GPM6A: variants seen among roughly 807,000 people sequenced by gnomAD.
GPM6A encodes the protein glycoprotein M6A.
GPM6A carries 7 observed loss-of-function variants against 32.1 expected under a neutral mutation model. The ratio of observed to expected loss-of-function variants is 0.22; its 90% confidence interval spans 0.12 to 0.41. GPM6A has a LOEUF of 0.41. Among genes scored for constraint, GPM6A ranks in the 10% least tolerant of loss-of-function variants. The probability of loss-of-function intolerance (pLI) is 1.00; values close to 1 mark genes in which losing one functional copy is unlikely to be tolerated. For missense variants in GPM6A, 235 were observed against 347.2 expected, an observed-to-expected ratio of 0.68 and a Z score of 2.57; for synonymous variants, 130 against 123.4, an observed-to-expected ratio of 1.05 and a Z score of -0.35.
At chr4:175,732,466 T>C (rs1439199929) in intron 1 of GPM6A, among the ~76,000 whole-genome samples, 1 of 152,200 alleles carries the variant, frequency 6.6e-6, no homozygotes, top group East Asian at 1.9e-4. Flanking sequence ...TGTGTGTATA[T>C]GGATGTATAT....
chr4:175,894,023 A>C (rs1412451324), intron 1 of GPM6A, among the ~76,000 whole-genome samples: 3 of 152,172 alleles, frequency 2.0e-5, no homozygotes, highest in Non-Finnish European at 2.9e-5. Context: ...AAAAAGACAG[A>C]GATTAAAAAT....
chr4:175,797,948 G>A (rs554734955), intron 1 of GPM6A, among the ~76,000 whole-genome samples: 3 of 152,184 alleles, frequency 2.0e-5, no homozygotes, highest in African/African-American at 7.2e-5. Context: ...TGTGGTTCCA[G>A]GATCCACAAA....
chr4:175,766,045 A>C (rs1732949956), intron 1 of GPM6A, among the ~76,000 whole-genome samples: 1 of 152,164 alleles, frequency 6.6e-6, no homozygotes, highest in Admixed American at 6.5e-5. Context: ...TTGATTCTTT[A>C]TGATTCATTA....
At chr4:175,751,037 T>G (rs963918815) in intron 1 of GPM6A, among the ~76,000 whole-genome samples, 1 of 152,178 alleles carries the variant, frequency 6.6e-6, no homozygotes, top group East Asian at 1.9e-4. Flanking sequence ...TTGTAATACA[T>G]TGCAAATGTG....
At chr4:175,730,259 T>C (rs1307146246) in intron 1 of GPM6A, among the ~76,000 whole-genome samples, 2 of 152,152 alleles carry the variant, frequency 1.3e-5, no homozygotes, top group Non-Finnish European at 2.9e-5. Flanking sequence ...TATTTATTTT[T>C]TGAGACAAAG....
chr4:175,916,011 A>G (rs1246001299), intron 1 of GPM6A, among the ~76,000 whole-genome samples: 1 of 152,172 alleles, frequency 6.6e-6, no homozygotes, highest in Non-Finnish European at 1.5e-5. Context: ...CATGCTCACC[A>G]TTCTCTCTCA....
At chr4:175,945,821 C>T (rs557104689) in intron 1 of GPM6A, among the ~76,000 whole-genome samples, 6 of 150,010 alleles carry the variant, frequency 4.0e-5, no homozygotes, top group South Asian at 2.1e-4. Context: ...CTCAGTAATA[C>T]GGGTGCATAT....
intron 1 of GPM6A, among the ~76,000 whole-genome samples, chr4:175,894,364 C>T (rs1434116333): frequency 1.3e-5 from 2 of 152,006 alleles, no homozygotes; most frequent in Admixed American, 6.6e-5. Flanking sequence ...AGCGAAAAAG[C>T]GAGGAAGGGG....
chr4:175,976,431 G>A (rs1403716873), intron 1 of GPM6A, among the ~76,000 whole-genome samples: 2 of 151,560 alleles, frequency 1.3e-5, no homozygotes, highest in Non-Finnish European at 2.9e-5. Flanking sequence ...CTCCCAAAGT[G>A]CTGGGATTAC....
At position 175,634,198 on chromosome 4, in the gene GPM6A, A is replaced by G. The variant is rs1384173076; in HGVS notation, c.*707T>C. ...AAAAGGCAACTAGCCATGCATTAGC[A>G]TTACTGTTTCTACATGCTCACAACA... On this transcript the variant is annotated 3_prime_UTR_variant, in exon 7 of 7. Transcript: ENST00000393658. 6.6e-6 allele frequency: 1 copy of G among 152,594 alleles called. No individual in the cohort carries two copies. The highest frequency in any genetic ancestry group is 1.5e-5 in the Non-Finnish European group (1 of 68,002). The allele number at this position is 152,594 out of a possible 1,614,324, so 9.5% of individuals were successfully genotyped here.
intron 3 of GPM6A, among the ~76,000 whole-genome samples, chr4:175,672,643 C>T (rs1181416765): frequency 6.6e-6 from 1 of 152,090 alleles, no homozygotes; most frequent in African/African-American, 2.4e-5. Context: ...AATAATAAGG[C>T]ACAATTTAAA....
At chr4:175,877,289 T>C (rs947028703) in intron 1 of GPM6A, among the ~76,000 whole-genome samples, 5 of 152,120 alleles carry the variant, frequency 3.3e-5, no homozygotes, top group African/African-American at 1.2e-4. Context: ...TATATGACTA[T>C]CTAAATAAAA....
At chr4:175,973,390 A>G (rs1740564896) in intron 1 of GPM6A, among the ~76,000 whole-genome samples, 1 of 152,244 alleles carries the variant, frequency 6.6e-6, no homozygotes, top group African/African-American at 2.4e-5. Flanking sequence ...TGTTTTCAGT[A>G]AGGTCCACCT....
chr4:175,924,074 C>T (rs1488965651), intron 1 of GPM6A, among the ~76,000 whole-genome samples: 1 of 152,140 alleles, frequency 6.6e-6, no homozygotes, highest in East Asian at 1.9e-4. Context: ...AGCAAAGATG[C>T]ATTTGGTAGC....
chr4:175,668,956 A>G (rs1742899948), intron 3 of GPM6A, among the ~76,000 whole-genome samples: 1 of 152,146 alleles, frequency 6.6e-6, no homozygotes, highest in Admixed American at 6.5e-5. Context: ...TCTGTGCCAG[A>G]TGCTTGAATT....
intron 1 of GPM6A, among the ~76,000 whole-genome samples, chr4:175,797,878 T>C (rs1197323514): frequency 6.6e-6 from 1 of 152,174 alleles, no homozygotes; most frequent in Admixed American, 6.6e-5. Flanking sequence ...ATATATAAAT[T>C]ATGAATCACA....
intron 3 of GPM6A, among the ~76,000 whole-genome samples, chr4:175,662,629 A>T (rs1742495013): frequency 6.6e-6 from 1 of 152,070 alleles, no homozygotes; most frequent in African/African-American, 2.4e-5. Flanking sequence ...CAAAGAAAAA[A>T]ACACATTTAG....
At chr4:175,637,416 A>T (rs1579324871) in intron 6 of GPM6A, among the ~76,000 whole-genome samples, 1 of 84,036 alleles carries the variant, frequency 1.2e-5, no homozygotes, top group South Asian at 2.9e-4. Context: ...ATATATATAA[A>T]AATGTATAAT....
chr4:175,800,567 C>T (rs1734433602), intron 1 of GPM6A, among the ~76,000 whole-genome samples: 1 of 152,166 alleles, frequency 6.6e-6, no homozygotes, highest in Admixed American at 6.6e-5. Context: ...TATATACCTA[C>T]ATAATACTGC....
Sources: allele counts gnomAD v4.1 joint callset (sites outside exome capture counted in the v4.1 genomes callset), GRCh38; gene constraint gnomAD v4.1.1; transcripts MANE v1.5; gene names NCBI Gene and HGNC (gene_info 2026-07-23, HGNC 2026-07-21).